The following CDH13 variants were observed in gnomAD, a reference collection of about 807,000 sequenced individuals.
CDH13 encodes cadherin 13.
A neutral mutation model predicts 63.8 loss-of-function variants in CDH13; 24 were observed. The observed-to-expected ratio is 0.38, with a 90% CI of 0.27 to 0.53. The LOEUF is 0.53. Among genes scored for constraint, CDH13 ranks in the 20% least tolerant of loss-of-function variants. The probability of loss-of-function intolerance (pLI) is 0.85; values close to 1 mark genes in which losing one functional copy is unlikely to be tolerated. For synonymous variants in CDH13, 503 were observed against 355.3 expected, an observed-to-expected ratio of 1.42 and a Z score of -4.67; for missense variants, 1,049 against 903.1, an observed-to-expected ratio of 1.16 and a Z score of -2.07.
At chr16:82,874,816 C>A (rs1354705353) in intron 2 of CDH13, among the ~76,000 whole-genome samples, 1 of 152,078 alleles carries the variant, frequency 6.6e-6, no homozygotes, top group Non-Finnish European at 1.5e-5. Context: ...ATAAATTATA[C>A]TAAGAAAGAG....
intron 2 of CDH13, among the ~76,000 whole-genome samples, chr16:83,003,046 C>T (rs930293798): frequency 6.6e-6 from 1 of 152,226 alleles, no homozygotes; most frequent in East Asian, 1.9e-4. Flanking sequence ...CAGCATGACT[C>T]AGCTCATATG....
intron 13 of CDH13, among the ~76,000 whole-genome samples, chr16:83,790,714 G>C (rs1209160632): frequency 6.6e-6 from 1 of 152,120 alleles, no homozygotes; most frequent in Non-Finnish European, 1.5e-5. Flanking sequence ...GGTTGTTGTA[G>C]TATAAAGTGC....
At chr16:83,006,734 A>T (rs1053586251) in intron 2 of CDH13, among the ~76,000 whole-genome samples, 1 of 152,190 alleles carries the variant, frequency 6.6e-6, no homozygotes, top group African/African-American at 2.4e-5. Flanking sequence ...GTTCTTTTCA[A>T]AATTGTGGCA....
At chr16:83,146,154 A>C (rs955074677) in intron 4 of CDH13, among the ~76,000 whole-genome samples, 3 of 146,950 alleles carry the variant, frequency 2.0e-5, no homozygotes, top group Non-Finnish European at 4.5e-5. Context: ...AGATTGTGCC[A>C]CTGCACTCCA....
intron 6 of CDH13, among the ~76,000 whole-genome samples, chr16:83,408,725 G>A (rs1464345436): frequency 6.6e-6 from 1 of 152,158 alleles, no homozygotes; most frequent in African/African-American, 2.4e-5. Flanking sequence ...CATTTGAAAA[G>A]GGCCTTGCTA....
chr16:83,370,811 T>G (rs183429919), intron 6 of CDH13, among the ~76,000 whole-genome samples: 9 of 152,348 alleles, frequency 5.9e-5, no homozygotes, highest in Non-Finnish European at 1.2e-4. Flanking sequence ...CTTGTTCTTT[T>G]GTATAGCTGT....
chr16:83,055,876 C>T (rs1397562561), intron 3 of CDH13, among the ~76,000 whole-genome samples: 1 of 152,060 alleles, frequency 6.6e-6, no homozygotes, highest in Admixed American at 6.6e-5. Flanking sequence ...AAGTAAAAAC[C>T]TGTGCTCATC....
chr16:82,898,552 T>C (rs987254358), intron 2 of CDH13, among the ~76,000 whole-genome samples: 8 of 152,202 alleles, frequency 5.3e-5, no homozygotes, highest in African/African-American at 1.9e-4. Flanking sequence ...GTTCCTATTA[T>C]AATTCTCTTG....
rs139896327 is a variant in CDH13 at position 83,511,264 on chromosome 16, C to A, written c.960+24609C>A. ...ATCAACTGAAATCAGGAGTTTTAGA[C>A]CAGCCTGGCCAACATGACAAAACCA... On this transcript the variant is annotated intron_variant, in intron 7 of 13. Transcript: ENST00000567109. 8.4e-4 allele frequency among the ~76,000 whole-genome samples: 128 copies of A among 152,278 alleles called. 1 individual carries two copies. The highest frequency in any genetic ancestry group is 2.6e-3 in the African/African-American group (110 of 41,544).
At chr16:82,858,328 G>C in intron 1 of CDH13, 34 bp from the exon 2 acceptor site, 1 of 1,404,622 alleles carries the variant, frequency 7.1e-7, no homozygotes, top group South Asian at 1.2e-5. Context: ...CACATAAGCC[G>C]CTATTAAAAT....
At chr16:83,259,434 C>A (rs770900600) in intron 5 of CDH13, among the ~76,000 whole-genome samples, 3 of 152,078 alleles carry the variant, frequency 2.0e-5, no homozygotes, top group Non-Finnish European at 1.5e-5. Context: ...ATGGCTGTAC[C>A]CACCTCCCTT....
intron 8 of CDH13, among the ~76,000 whole-genome samples, chr16:83,650,741 C>G (rs959153028): frequency 1.3e-5 from 2 of 152,056 alleles, no homozygotes; most frequent in South Asian, 2.1e-4. Flanking sequence ...TCGAAAGACT[C>G]TAAGTGAGAT....
At chr16:83,274,060 C>T (rs1168821182) in intron 5 of CDH13, among the ~76,000 whole-genome samples, 1 of 152,190 alleles carries the variant, frequency 6.6e-6, no homozygotes, top group African/African-American at 2.4e-5. Context: ...TGCACTATGA[C>T]AACAGCCTCT....
At chr16:83,012,497 A>T (rs1419141616) in intron 2 of CDH13, among the ~76,000 whole-genome samples, 2 of 152,148 alleles carry the variant, frequency 1.3e-5, no homozygotes, top group Non-Finnish European at 2.9e-5. Flanking sequence ...GGTTTCACTT[A>T]CACAGTGCAG....
At chr16:83,287,830 G>A (rs1360481517) in intron 5 of CDH13, among the ~76,000 whole-genome samples, 1 of 152,118 alleles carries the variant, frequency 6.6e-6, no homozygotes, top group African/African-American at 2.4e-5. Context: ...ATAGGTTTGG[G>A]ACCTCTGATC....
chr16:83,234,024 G>A (rs1463584029), intron 5 of CDH13, among the ~76,000 whole-genome samples: 2 of 152,208 alleles, frequency 1.3e-5, no homozygotes, highest in African/African-American at 2.4e-5. Context: ...GATGGATAAT[G>A]TGGCCAGCAC....
At chr16:82,633,769 C>T (rs995846206) in intron 1 of CDH13, among the ~76,000 whole-genome samples, 9 of 152,160 alleles carry the variant, frequency 5.9e-5, no homozygotes, top group African/African-American at 1.4e-4. Context: ...TTAACACCCA[C>T]GGCCGTTCTA....
rs1010303803 is a variant in CDH13 at position 82,966,840 on chromosome 16, C to G, written c.158-65170C>G. Among the ~76,000 whole-genome samples the G allele has an allele frequency of 5.9e-5, 9 of 152,126 alleles. No individual in the cohort carries two copies. In the South Asian group the frequency reaches 1.7e-3, roughly 28 times the overall value. ...TTTCCCAAAAACAAGGATGTTTTTT[C>G]TCTCTCATAGAATCACAGAACAATG... is the stretch of plus-strand genomic sequence containing the variant. On this transcript the variant is annotated intron_variant, in intron 2 of 13. Coordinates refer to ENST00000567109, the MANE Select transcript of CDH13 (RefSeq NM_001257.5).
At chr16:83,403,460 A>G (rs901024632) in intron 6 of CDH13, among the ~76,000 whole-genome samples, 23 of 152,114 alleles carry the variant, frequency 1.5e-4, no homozygotes, top group African/African-American at 5.6e-4. Flanking sequence ...CATCTCTACT[A>G]AAAACACAAA....
Sources: allele counts gnomAD v4.1 joint callset (sites outside exome capture counted in the v4.1 genomes callset), GRCh38; gene constraint gnomAD v4.1.1; transcripts MANE v1.5; gene names NCBI Gene and HGNC (gene_info 2026-07-23, HGNC 2026-07-21).